Variants in PLB1 observed in about 807,000 individuals in gnomAD.
PLB1 encodes phospholipase B1, membrane-associated.
Under a neutral mutation model 227.4 loss-of-function variants are expected in PLB1, and 242 were observed. That is an observed-to-expected ratio of 1.06 (90% CI 0.96 to 1.18). The LOEUF (loss-of-function observed/expected upper bound fraction) is 1.18. PLB1 is among the 50% of genes most tolerant of loss of function. The pLI, the probability that PLB1 is intolerant of heterozygous loss-of-function variation, is 0.00. For synonymous variants in PLB1, 757 were observed against 682.2 expected, an observed-to-expected ratio of 1.11 and a Z score of -1.71; for missense variants, 1,858 against 1,816.3, an observed-to-expected ratio of 1.02 and a Z score of -0.42.
intron 20 of PLB1, among the ~76,000 whole-genome samples, chr2:28,571,896 T>C (rs1006794550): frequency 2.6e-5 from 4 of 152,108 alleles, no homozygotes; most frequent in African/African-American, 9.7e-5. Flanking sequence ...TTCTTAGATA[T>C]GCCACTAAGA....
At chr2:28,525,877 ACACT>A (rs1390351789) in intron 5 of PLB1, 24 bp from the exon 6 acceptor site, 1 of 1,613,314 alleles carries the variant, frequency 6.2e-7, no homozygotes, top group South Asian at 1.1e-5. Context: ...ATGCAGCCTG[ACACT>A]CACATGCCTG....
chr2:28,496,062 C>G lies in PLB1; in HGVS notation c.-53C>G, dbSNP rs1158909175. The G allele has an allele frequency of 6.5e-7, 1 of 1,549,066 alleles. No homozygotes were observed. The highest frequency in any genetic ancestry group is 1.4e-5 in the African/African-American group (1 of 73,438). ...AGCAGGAGGAGGTGTGATAGCCCATCCATCTGCTGGAGCAGCTCTTCCAGA... is the reference window on the plus strand; with the variant it reads ...AGCAGGAGGAGGTGTGATAGCCCATGCATCTGCTGGAGCAGCTCTTCCAGA... On this transcript the variant is annotated 5_prime_UTR_variant, in exon 1 of 58. The change creates a new upstream start codon in the 5' untranslated region. Coordinates refer to ENST00000327757, the MANE Select transcript of PLB1 (RefSeq NM_153021.5).
chr2:28,552,751 A>C (rs1188382771), intron 16 of PLB1, among the ~76,000 whole-genome samples, 177 bp from the exon 17 acceptor site: 1 of 152,226 alleles, frequency 6.6e-6, no homozygotes. Flanking sequence ...ATTTGGGAGC[A>C]CTTGGAAAAG....
chr2:28,589,325 TG>T, intron 26 of PLB1, 124 bp from the exon 27 acceptor site: 1 of 696,620 alleles, frequency 1.4e-6, no homozygotes, highest in Non-Finnish European at 2.5e-6. Context: ...GTTGAGATTT[TG>T]CACCAGGTTG....
chr2:28,642,493 G>A (rs1690085650), intron 57 of PLB1, among the ~76,000 whole-genome samples: 1 of 152,206 alleles, frequency 6.6e-6, no homozygotes, highest in South Asian at 2.1e-4. Context: ...GGGTAGTCCT[G>A]GGATGGGAGA....
At chr2:28,606,345 C>A in intron 42 of PLB1, 151 bp from the exon 43 acceptor site, 1 of 729,120 alleles carries the variant, frequency 1.4e-6, no homozygotes, top group Non-Finnish European at 2.3e-6. Flanking sequence ...GCCCAAAACC[C>A]CACGGCTGGC....
intron 54 of PLB1, 87 bp from the exon 55 acceptor site, chr2:28,631,949 G>A (rs2272388): frequency 0.25 from 288,796 of 1,151,294 alleles, 36,997 homozygotes; most frequent in East Asian, 0.3. Context: ...GTTGACTCCC[G>A]TCAACAACCA....
At chr2:28,585,913 G>A in intron 26 of PLB1, 71 bp downstream of exon 26, 1 of 1,389,370 alleles carries the variant, frequency 7.2e-7, no homozygotes, top group Non-Finnish European at 1.0e-6. Context: ...TAGAGAACAA[G>A]TCAGTGCTTA....
intron 21 of PLB1, 23 bp from the exon 22 acceptor site, chr2:28,578,084 C>T (rs773835968): frequency 1.5e-5 from 25 of 1,613,134 alleles, no homozygotes; most frequent in Non-Finnish European, 1.9e-5. Flanking sequence ...CCTCACAGCA[C>T]TTCCTCTGGT....
intron 17 of PLB1, among the ~76,000 whole-genome samples, chr2:28,556,745 A>G (rs1054447632): frequency 6.6e-6 from 1 of 152,222 alleles, no homozygotes; most frequent in African/African-American, 2.4e-5. Context: ...GGCAAATTCC[A>G]CACAGTGGGA....
intron 17 of PLB1, among the ~76,000 whole-genome samples, chr2:28,554,623 G>C (rs1674772178): frequency 6.6e-6 from 1 of 151,190 alleles, no homozygotes. Context: ...CTGGTCTAGA[G>C]AGAACATCTG....
At chr2:28,554,583 C>T (rs66585100) in intron 17 of PLB1, among the ~76,000 whole-genome samples, 39,057 of 147,430 alleles carry the variant, frequency 0.26, 5,456 homozygotes, top group East Asian at 0.52. Flanking sequence ...GATCCTCCAG[C>T]GCTGGGATTA....
At chr2:28,581,498 T>TA (rs1474182004) in intron 23 of PLB1, among the ~76,000 whole-genome samples, 1 of 71,066 alleles carries the variant, frequency 1.4e-5, no homozygotes, top group Non-Finnish European at 2.8e-5. Flanking sequence ...AATAAATAAA[T>TA]AAATAAATAA....
At chr2:28,640,547 A>G (rs1208795896) in intron 56 of PLB1, among the ~76,000 whole-genome samples, 1 of 152,202 alleles carries the variant, frequency 6.6e-6, no homozygotes, top group Non-Finnish European at 1.5e-5. Flanking sequence ...TCGTCGTTTT[A>G]TAAAATTGAA....
At chr2:28,561,155 A>G (rs1676004641) in intron 17 of PLB1, among the ~76,000 whole-genome samples, 1 of 152,216 alleles carries the variant, frequency 6.6e-6, no homozygotes, top group Admixed American at 6.5e-5. Context: ...TTACACTATA[A>G]TAACTATGGC....
Position 28,543,113 on chromosome 2 carries a change from T to C in PLB1, c.880-99T>C. On this transcript the variant is annotated intron_variant, in intron 13 of 57. Transcript: ENST00000327757. Reference sequence around the variant, plus strand: ...GAGAAAAGGCCTGGACAGATCAGGCTGCCCCAACTCTATGCCAGAGAGAGC... The same window carrying C: ...GAGAAAAGGCCTGGACAGATCAGGCCGCCCCAACTCTATGCCAGAGAGAGC... 2.3e-6 allele frequency: 3 copies of C among 1,298,496 alleles called. No individual in the cohort carries two copies. In the South Asian group the frequency reaches 4.0e-5, roughly 18 times the overall value. 80.4% of individuals were successfully genotyped at this position (1,298,496 alleles called of 1,614,324 possible). A position where few individuals can be genotyped will look rare whatever the true frequency, so the allele number is the denominator to read the frequency against.
intron 17 of PLB1, among the ~76,000 whole-genome samples, chr2:28,557,226 T>C (rs1415679856): frequency 2.0e-5 from 3 of 152,172 alleles, no homozygotes; most frequent in Non-Finnish European, 4.4e-5. Context: ...TCGAGATCTG[T>C]AAAGTCCCTG....
At chr2:28,547,204 A>AAAG (rs1209727472) in intron 14 of PLB1, among the ~76,000 whole-genome samples, 8 of 52,774 alleles carry the variant, frequency 1.5e-4, no homozygotes, top group Non-Finnish European at 3.0e-4. Context: ...CCTGTCTCCA[A>AAAG]AAAAAAAAAA....
intron 22 of PLB1, among the ~76,000 whole-genome samples, chr2:28,578,491 A>G (rs773654061): frequency 6.6e-6 from 1 of 152,186 alleles, no homozygotes; most frequent in Non-Finnish European, 1.5e-5. Flanking sequence ...GGCTCTGTAT[A>G]AGACACGGTG....
Sources: allele counts gnomAD v4.1 joint callset (sites outside exome capture counted in the v4.1 genomes callset), GRCh38; gene constraint gnomAD v4.1.1; transcripts MANE v1.5; gene names NCBI Gene and HGNC (gene_info 2026-07-23, HGNC 2026-07-21).